The following TRPM3 variants were observed in gnomAD, a reference collection of about 807,000 sequenced individuals.
The protein encoded by TRPM3 is long transient receptor potential channel 3.
TRPM3 carries 77 observed loss-of-function variants against 181.2 expected under a neutral mutation model. That is an observed-to-expected ratio of 0.42 (90% confidence interval 0.35 to 0.51). The LOEUF is 0.51. Ranked by LOEUF, TRPM3 falls within the 20% of genes least tolerant of loss-of-function variation. The pLI is 0.01. For synonymous variants in TRPM3, 745 were observed against 796.4 expected (o/e 0.94, Z 1.09); for missense variants, 1,759 against 2,196.7 (o/e 0.80, Z 3.98).
Position 70,536,888 on chromosome 9 carries a change from A to G in TRPM3, c.4225T>C (p.Ser1409Pro). The change falls in exon 26 of 26, where the codon TCA becomes CCA. Residue 1409 changes from serine to proline, a missense_variant. By Grantham distance (74) the Ser-to-Pro change is moderately conservative (BLOSUM62 -1). Transcript: ENST00000677713. ...GAGACATAGATGTCTATACACGATGATGGTCTTCTGGAATCAGGAACAATG... is the reference window on the plus strand; with the variant it reads ...GAGACATAGATGTCTATACACGATGGTGGTCTTCTGGAATCAGGAACAATG... Reference protein sequence around the residue: ...LAIVPDSRRPSSCIDIYVSAM... With the variant: ...LAIVPDSRRPPSCIDIYVSAM... 1 of 1,614,198 alleles carries G rather than the reference A, an allele frequency of 6.2e-7. No individual in the cohort carries two copies. The highest frequency in any genetic ancestry group is 1.1e-5 in the South Asian group (1 of 91,086).
intron 22 of TRPM3, among the ~76,000 whole-genome samples, chr9:70,567,516 A>AT (rs145762618): frequency 7.9e-5 from 12 of 151,860 alleles, no homozygotes; most frequent in Admixed American, 2.0e-4. Flanking sequence ...TCTAACCTAC[A>AT]TTTTTTTTTA....
At chr9:71,328,883 C>T (rs980499229) in intron 1 of TRPM3, among the ~76,000 whole-genome samples, 4 of 152,238 alleles carry the variant, frequency 2.6e-5, no homozygotes, top group African/African-American at 4.8e-5. Context: ...CAATGTATCC[C>T]TATAACCATT....
intron 1 of TRPM3, among the ~76,000 whole-genome samples, chr9:71,325,928 G>A (rs2089651498): frequency 6.6e-6 from 1 of 152,110 alleles, no homozygotes; most frequent in African/African-American, 2.4e-5. Context: ...AAATTTCTGG[G>A]AAGCTTGGGC....
chr9:71,036,643 T>A (rs1348869979), intron 1 of TRPM3, among the ~76,000 whole-genome samples: 1 of 152,224 alleles, frequency 6.6e-6, no homozygotes, highest in Non-Finnish European at 1.5e-5. Flanking sequence ...GAGAACTCTT[T>A]GAAACAAAAG....
At chr9:70,814,257 C>T (rs1330956384) in intron 6 of TRPM3, among the ~76,000 whole-genome samples, 1 of 152,008 alleles carries the variant, frequency 6.6e-6, no homozygotes, top group Admixed American at 6.6e-5. Flanking sequence ...CAATATTGAC[C>T]GTGAAACCAG....
chr9:70,845,083 A>G (rs944576027), intron 4 of TRPM3, among the ~76,000 whole-genome samples: 2 of 152,208 alleles, frequency 1.3e-5, no homozygotes, highest in East Asian at 3.9e-4. Flanking sequence ...AATAACATTG[A>G]ACATGAGCAG....
chr9:71,345,091 C>G (rs1296491934), intron 1 of TRPM3, among the ~76,000 whole-genome samples: 1 of 152,150 alleles, frequency 6.6e-6, no homozygotes, highest in Non-Finnish European at 1.5e-5. Flanking sequence ...CAGGAAATAA[C>G]AGATTCTGGA....
chr9:71,311,591 T>C (rs1214752223), intron 1 of TRPM3, among the ~76,000 whole-genome samples: 1 of 152,066 alleles, frequency 6.6e-6, no homozygotes. Flanking sequence ...TACAGACTTT[T>C]AATCTTACAA....
intron 6 of TRPM3, among the ~76,000 whole-genome samples, chr9:70,814,215 G>A (rs62545996): frequency 0.029 from 4,376 of 152,278 alleles, 89 homozygotes; most frequent in Middle Eastern, 0.058. Flanking sequence ...GGAGTACAGA[G>A]AGAAGCACGT....
At chr9:71,432,079 T>C (rs949791053) in intron 1 of TRPM3, among the ~76,000 whole-genome samples, 3 of 152,186 alleles carry the variant, frequency 2.0e-5, no homozygotes, top group Non-Finnish European at 4.4e-5. Flanking sequence ...GAAGAAGCAA[T>C]AACATCCAGC....
intron 6 of TRPM3, among the ~76,000 whole-genome samples, chr9:70,799,186 C>A (rs568726028): frequency 1.7e-4 from 26 of 152,158 alleles, no homozygotes; most frequent in Non-Finnish European, 3.1e-4. Flanking sequence ...AACTATATGA[C>A]TGAAATGGAA....
intron 5 of TRPM3, among the ~76,000 whole-genome samples, chr9:70,837,253 A>G (rs2094384868): frequency 6.6e-6 from 1 of 152,232 alleles, no homozygotes; most frequent in Non-Finnish European, 1.5e-5. Context: ...TGGTAACTAC[A>G]TTAAATTAGC....
At chr9:71,315,095 T>C (rs2088432077) in intron 1 of TRPM3, among the ~76,000 whole-genome samples, 1 of 152,082 alleles carries the variant, frequency 6.6e-6, no homozygotes, top group African/African-American at 2.4e-5. Flanking sequence ...GCATATCTGG[T>C]ACATGGTAGG....
At chr9:71,224,963 G>C (rs150870705) in intron 1 of TRPM3, among the ~76,000 whole-genome samples, 4 of 152,210 alleles carry the variant, frequency 2.6e-5, no homozygotes, top group Non-Finnish European at 5.9e-5. Flanking sequence ...GTAAGATCTA[G>C]AAAATAGCCT....
At chr9:70,936,613 T>C (rs778524636) in intron 1 of TRPM3, among the ~76,000 whole-genome samples, 3 of 152,200 alleles carry the variant, frequency 2.0e-5, no homozygotes, top group African/African-American at 7.2e-5. Context: ...GTTTTGGATA[T>C]GGTTCAGAGA....
At chr9:71,427,085 C>T (rs1200998581) in intron 1 of TRPM3, among the ~76,000 whole-genome samples, 1 of 152,170 alleles carries the variant, frequency 6.6e-6, no homozygotes, top group Non-Finnish European at 1.5e-5. Context: ...CCACAAACAA[C>T]TGAATTGATT....
chr9:71,114,063 C>G (rs923802877), intron 1 of TRPM3, among the ~76,000 whole-genome samples: 22 of 152,166 alleles, frequency 1.4e-4, no homozygotes, highest in African/African-American at 5.1e-4. Context: ...TCATGTAAGA[C>G]AATTCAATAT....
chr9:70,566,612 T>C (rs1360693859), intron 22 of TRPM3, among the ~76,000 whole-genome samples: 3 of 152,234 alleles, frequency 2.0e-5, no homozygotes, highest in African/African-American at 7.2e-5. Flanking sequence ...TCTGGCCTGA[T>C]GGTTTCTTAT....
At chr9:71,281,554 A>G (rs1315808952) in intron 1 of TRPM3, among the ~76,000 whole-genome samples, 1 of 152,248 alleles carries the variant, frequency 6.6e-6, no homozygotes. Flanking sequence ...GTGGGAGTTT[A>G]GAGCCACGTC....
Sources: allele counts gnomAD v4.1 joint callset (sites outside exome capture counted in the v4.1 genomes callset), GRCh38; gene constraint gnomAD v4.1.1; transcripts MANE v1.5; gene names NCBI Gene and HGNC (gene_info 2026-07-23, HGNC 2026-07-21).